Variants in EBF3 observed in about 807,000 individuals in gnomAD.
EBF3 encodes transcription factor COE3.
EBF3 carries 18 observed loss-of-function variants against 77.1 expected under a neutral mutation model. The observed-to-expected ratio is 0.23, with a 90% CI of 0.16 to 0.35. The LOEUF (loss-of-function observed/expected upper bound fraction) is 0.35. EBF3 is among the 10% of genes least tolerant of loss of function. The pLI is 1.00. For synonymous variants in EBF3, 350 were observed against 343.5 expected, an observed-to-expected ratio of 1.02 and a Z score of -0.21; for missense variants, 558 against 860.0, an observed-to-expected ratio of 0.65 and a Z score of 4.39.
Position 129,878,616 on chromosome 10 carries a change from C to G in EBF3, c.555-767G>C, listed in dbSNP as rs181742262. 2.8e-4 allele frequency among the ~76,000 whole-genome samples: 40 copies of G among 142,260 alleles called. No homozygotes were observed. The East Asian group carries it at 7.4e-3, about 26-fold the overall frequency. 93.3% of individuals were successfully genotyped at this position (142,260 alleles called of 152,430 possible). A position where few individuals can be genotyped will look rare whatever the true frequency, so the allele number is the denominator to read the frequency against. Reference sequence around the variant, plus strand: ...CCCAGGAGGTTCAGTGAGCCGAGATCGTGCCAGTGCACTCCAGCCTGGTTG... The same window carrying G: ...CCCAGGAGGTTCAGTGAGCCGAGATGGTGCCAGTGCACTCCAGCCTGGTTG... On this transcript the variant is annotated intron_variant, in intron 6 of 16. Transcript: ENST00000440978.
chr10:129,896,394 A>G (rs1192748642), intron 6 of EBF3, among the ~76,000 whole-genome samples: 1 of 152,382 alleles, frequency 6.6e-6, no homozygotes, highest in Middle Eastern at 3.4e-3. Flanking sequence ...AAGCAACAAG[A>G]CATAACCTGA....
chr10:129,896,417 C>T (rs74162524), intron 6 of EBF3, among the ~76,000 whole-genome samples: 3,440 of 152,232 alleles, frequency 0.023, 133 homozygotes, highest in African/African-American at 0.079. Context: ...GCTCCGCTCC[C>T]GGCCACGCGG....
chr10:129,933,014 C>T (rs1220057789), intron 6 of EBF3, among the ~76,000 whole-genome samples: 2 of 149,892 alleles, frequency 1.3e-5, no homozygotes, highest in Admixed American at 1.4e-4. Flanking sequence ...TCAGTCAACA[C>T]TGATTTCAAT....
At position 129,885,447 on chromosome 10, in the gene EBF3, T is replaced by C. The variant is rs1853505954; in HGVS notation, c.555-7598A>G. On this transcript the variant is annotated intron_variant, in intron 6 of 16. Coordinates refer to ENST00000440978, the MANE Select transcript of EBF3 (RefSeq NM_001375380.1). This position sits in a 1 kb window ranked among gnomAD's most constrained non-coding sequence, Gnocchi z 4.0. ...TGTCAGTGTTCTAGTTAGTATTTTCTGCAACTGCTCCGGATATTTCATGAT... is the reference window on the plus strand; with the variant it reads ...TGTCAGTGTTCTAGTTAGTATTTTCCGCAACTGCTCCGGATATTTCATGAT... Among the ~76,000 whole-genome samples, 1 of 152,240 alleles carries C rather than the reference T, an allele frequency of 6.6e-6. No individual in the cohort carries two copies. Among genetic ancestry groups the C allele is most frequent in the Non-Finnish European group, 1.5e-5 (1 of 68,040 alleles).
chr10:129,937,525 C>T (rs1398900848), intron 6 of EBF3, among the ~76,000 whole-genome samples: 1 of 152,190 alleles, frequency 6.6e-6, no homozygotes, highest in Non-Finnish European at 1.5e-5. Flanking sequence ...GTCTGCAAGC[C>T]CACCTGTCCA....
chr10:129,954,102 T>C (rs1858865957), intron 6 of EBF3, among the ~76,000 whole-genome samples: 1 of 152,194 alleles, frequency 6.6e-6, no homozygotes, highest in Non-Finnish European at 1.5e-5. Context: ...GTACAGAAGG[T>C]GTACATGTGT....
At chr10:129,867,630 C>T in intron 9 of EBF3, 152 bp downstream of exon 9, 1 of 1,358,620 alleles carries the variant, frequency 7.4e-7, no homozygotes, top group Non-Finnish European at 9.9e-7. Flanking sequence ...CGTAGCCACC[C>T]ACGGGAGAAG....
chr10:129,847,787 G>C (rs1302899442), intron 11 of EBF3, among the ~76,000 whole-genome samples: 1 of 152,186 alleles, frequency 6.6e-6, no homozygotes, highest in East Asian at 1.9e-4. Flanking sequence ...CATCAAAATG[G>C]AATTTCTGTG....
chr10:129,840,456 A>G lies in EBF3; in HGVS notation c.1562-14T>C. 6.5e-7 allele frequency: 1 copy of G among 1,547,850 alleles called. No homozygotes were observed. ...TGGACGGCACTACTGCAACAAAGCA[A>G]ACACGGTCAGCACGCGCGGCCGCGG... On this transcript the variant is annotated splice_polypyrimidine_tract_variant and intron_variant, in intron 14 of 16. Transcript: ENST00000440978.
rs1174059704 is a variant in EBF3 at position 129,963,870 on chromosome 10, T to G, written c.-102A>C. On this transcript the variant is annotated 5_prime_UTR_variant, in exon 1 of 17. Transcript: ENST00000440978. The surrounding 1 kb of genome is among the most constrained non-coding windows in gnomAD (Gnocchi z 7.1). ...GCGGCTGCCCTGGCCGCCCTCGCCC[T>G]GCTCGGCGCCTGCGGTCCGGCCCCG... The G allele has an allele frequency of 2.4e-6, 3 of 1,256,250 alleles. No homozygotes were observed. Among genetic ancestry groups the G allele is most frequent in the Non-Finnish European group, 3.0e-6 (3 of 993,930 alleles). The allele number at this position is 1,256,250 out of a possible 1,614,324, so 77.8% of individuals were successfully genotyped here. A position where few individuals can be genotyped will look rare whatever the true frequency, so the allele number is the denominator to read the frequency against.
chr10:129,897,434 T>A lies in EBF3; in HGVS notation c.555-19585A>T, dbSNP rs1193020220. On this transcript the variant is annotated intron_variant, in intron 6 of 16. Coordinates refer to ENST00000440978, the MANE Select transcript of EBF3 (RefSeq NM_001375380.1). This position sits in a 1 kb window ranked among gnomAD's most constrained non-coding sequence, Gnocchi z 4.6. The stretch of plus-strand genomic sequence containing the variant: ...CGGTGCTGCAAAACCCTGAGGTGCA[T>A]GGCCTCTTCTCCCATCCACCCTCCC... Among the ~76,000 whole-genome samples, 1 of 152,116 alleles carries A rather than the reference T, an allele frequency of 6.6e-6. No homozygotes were observed. Among genetic ancestry groups the A allele is most frequent in the Non-Finnish European group, 1.5e-5 (1 of 68,024 alleles).
At chr10:129,903,153 C>A (rs756810940) in intron 6 of EBF3, among the ~76,000 whole-genome samples, 18 of 152,234 alleles carry the variant, frequency 1.2e-4, no homozygotes, top group Non-Finnish European at 2.6e-4. Context: ...ACTGAAGTTC[C>A]ATTCCACTAG....
Position 129,924,430 on chromosome 10 carries a change from C to CAA in EBF3, c.554+32826_554+32827dup, listed in dbSNP as rs956215243. ...ACTCCGTCTCAAACAACAACAACAACAAAAAAAAAAAAAAACAAAAAACAA... is the reference window on the plus strand; with the variant it reads ...ACTCCGTCTCAAACAACAACAACAACAAAAAAAAAAAAAAAAACAAAAAACAA... On this transcript the variant is annotated intron_variant, in intron 6 of 16. Transcript: ENST00000440978. 5.5e-3 allele frequency among the ~76,000 whole-genome samples: 599 copies of CAA among 108,424 alleles called. 4 individuals are homozygous for CAA. The highest frequency in any genetic ancestry group is 0.024 in the South Asian group (78 of 3,230). 71.1% of individuals were successfully genotyped at this position (108,424 alleles called of 152,430 possible).
At chr10:129,875,187 CTTTTTTTTT>C (rs1193539598) in intron 7 of EBF3, among the ~76,000 whole-genome samples, 3 of 92,940 alleles carry the variant, frequency 3.2e-5, no homozygotes, top group Admixed American at 1.1e-4. Context: ...ATGGCTTCTT[CTTTTTTTTT>C]TTTTTTTTTT....
Position 129,837,607 on chromosome 10 carries a change from T to C in EBF3, c.*336A>G, listed in dbSNP as rs1849688306. ...AAAGTTTCTCCCAACACATAGCAAT[T>C]ACTAGACATGGCCAAGACGGAGTCG... On this transcript the variant is annotated 3_prime_UTR_variant, in exon 17 of 17. Transcript: ENST00000440978. 3.2e-6 allele frequency: 1 copy of C among 309,972 alleles called. No homozygotes were observed. The highest frequency in any genetic ancestry group is 6.0e-6 in the Non-Finnish European group (1 of 166,928). 19.2% of individuals were successfully genotyped at this position (309,972 alleles called of 1,614,324 possible). A position where few individuals can be genotyped will look rare whatever the true frequency, so the allele number is the denominator to read the frequency against.
At chr10:129,928,951 T>C (rs1179928239) in intron 6 of EBF3, among the ~76,000 whole-genome samples, 3 of 152,228 alleles carry the variant, frequency 2.0e-5, no homozygotes, top group South Asian at 2.1e-4. Context: ...TTTTGTCACA[T>C]TTGTGGCAAT....
intron 4 of EBF3, among the ~76,000 whole-genome samples, chr10:129,960,668 G>A (rs915751711): frequency 6.9e-6 from 1 of 144,158 alleles, no homozygotes; most frequent in African/African-American, 2.6e-5. Flanking sequence ...GCCCGTCAGT[G>A]AGAGGAGATT....
At chr10:129,926,917 G>T (rs897968916) in intron 6 of EBF3, among the ~76,000 whole-genome samples, 1 of 152,206 alleles carries the variant, frequency 6.6e-6, no homozygotes, top group Admixed American at 6.5e-5. Flanking sequence ...GCTCCCGGGG[G>T]ACAGGCTGCA....
intron 6 of EBF3, among the ~76,000 whole-genome samples, chr10:129,945,393 C>A (rs1354192724): frequency 6.6e-6 from 1 of 152,158 alleles, no homozygotes; most frequent in Admixed American, 6.5e-5. Flanking sequence ...CATTCAGGCC[C>A]GTTTAAAGCA....
Sources: gnomAD v4.1 joint callset for allele counts (sites outside exome capture counted in the v4.1 genomes callset) on GRCh38, gnomAD v4.1.1 for gene constraint, Gnocchi (gnomAD v3.1) non-coding constraint, MANE v1.5 for transcripts, NCBI Gene and HGNC (gene_info 2026-07-23, HGNC 2026-07-21) for gene names.